FBN2: variants seen among roughly 807,000 people sequenced by gnomAD.
FBN2 encodes fibrillin 2.
In FBN2, 105 loss-of-function variants were observed where a neutral mutation model predicts 355.6. The ratio of observed to expected loss-of-function variants is 0.30; its 90% confidence interval spans 0.25 to 0.35. The LOEUF (loss-of-function observed/expected upper bound fraction) is 0.35, where lower values mean the gene tolerates loss of function less well. FBN2 is among the 10% of genes least tolerant of loss of function. The pLI, the probability that FBN2 is intolerant of heterozygous loss-of-function variation, is 1.00. For missense variants in FBN2, 3,280 were observed against 3,758.7 expected, an observed-to-expected ratio of 0.87 and a Z score of 3.33; for synonymous variants, 1,350 against 1,301.2, an observed-to-expected ratio of 1.04 and a Z score of -0.81.
At chr5:128,349,176 C>T (rs1192533898) in intron 23 of FBN2, among the ~76,000 whole-genome samples, 171 bp downstream of exon 23, 5 of 152,168 alleles carry the variant, frequency 3.3e-5, no homozygotes, top group East Asian at 1.9e-4. Context: ...GAAACAATTT[C>T]GCATAAATAC....
intron 11 of FBN2, among the ~76,000 whole-genome samples, chr5:128,387,130 G>A: frequency 6.6e-6 from 1 of 152,062 alleles, no homozygotes; most frequent in Non-Finnish European, 1.5e-5. Flanking sequence ...CTCATTTTTG[G>A]TCTGTTCAGG....
At chr5:128,281,784 C>T (rs888717384) in intron 55 of FBN2, among the ~76,000 whole-genome samples, 10 of 152,248 alleles carry the variant, frequency 6.6e-5, no homozygotes, top group Middle Eastern at 3.4e-3. Context: ...CTCCTGGGTT[C>T]ACGCCATTCT....
At chr5:128,305,103 T>C (rs370933114) in intron 44 of FBN2, 21 bp from the exon 45 acceptor site, 279 of 1,551,182 alleles carry the variant, frequency 1.8e-4, no homozygotes, top group Non-Finnish European at 2.4e-4. Flanking sequence ...AAAAAATAAA[T>C]GTTACATGTA....
chr5:128,425,857 T>C (rs1223327822), intron 7 of FBN2, among the ~76,000 whole-genome samples: 1 of 152,214 alleles, frequency 6.6e-6, no homozygotes, highest in African/African-American at 2.4e-5. Context: ...TTCAAATTCA[T>C]AGAGTTGAAT....
intron 2 of FBN2, among the ~76,000 whole-genome samples, chr5:128,532,369 C>A (rs1756732073): frequency 6.6e-6 from 1 of 152,216 alleles, no homozygotes; most frequent in Non-Finnish European, 1.5e-5. Context: ...GTTAGGCTCA[C>A]TGACACAATA....
At chr5:128,455,424 C>T (rs1390711598) in intron 6 of FBN2, among the ~76,000 whole-genome samples, 1 of 152,062 alleles carries the variant, frequency 6.6e-6, no homozygotes, top group Admixed American at 6.6e-5. Flanking sequence ...ATTGATATGA[C>T]TGATTTCATA....
chr5:128,378,971 G>T, intron 11 of FBN2, 81 bp from the exon 12 acceptor site: 2 of 1,512,050 alleles, frequency 1.3e-6, no homozygotes, highest in South Asian at 1.1e-5. Context: ...GTCCTCTAAA[G>T]TTTGAGAGAA....
At chr5:128,309,427 C>T in intron 40 of FBN2, 28 bp from the exon 41 acceptor site, 1 of 1,602,850 alleles carries the variant, frequency 6.2e-7, no homozygotes, top group Non-Finnish European at 8.5e-7. Context: ...AAGAAACTAG[C>T]CATTTGTATC....
chr5:128,497,984 G>GCAAAA (rs371834125), intron 5 of FBN2, among the ~76,000 whole-genome samples: 1 of 152,148 alleles, frequency 6.6e-6, no homozygotes, highest in African/African-American at 2.4e-5. Context: ...AAAAGCAAAA[G>GCAAAA]GAAGCCCAAC....
intron 5 of FBN2, among the ~76,000 whole-genome samples, chr5:128,485,844 T>C (rs1448424452): frequency 6.6e-6 from 1 of 152,158 alleles, no homozygotes; most frequent in East Asian, 1.9e-4. Context: ...GGTAGGCACA[T>C]AAAGGACTTC....
intron 36 of FBN2, among the ~76,000 whole-genome samples, chr5:128,314,810 C>T (rs1294644624): frequency 1.3e-5 from 2 of 152,102 alleles, no homozygotes; most frequent in African/African-American, 2.4e-5. Flanking sequence ...TTTAAATGTA[C>T]ACAAATGTCT....
intron 5 of FBN2, among the ~76,000 whole-genome samples, chr5:128,468,206 T>A (rs1027891978): frequency 1.3e-5 from 2 of 152,172 alleles, no homozygotes; most frequent in Admixed American, 6.5e-5. Flanking sequence ...GTGGTCTTTT[T>A]TTGTCTTGCT....
At chr5:128,300,989 T>G (rs1749699506) in intron 47 of FBN2, 53 bp from the exon 48 acceptor site, 3 of 1,533,100 alleles carry the variant, frequency 2.0e-6, no homozygotes, top group Non-Finnish European at 1.8e-6. Flanking sequence ...AATTGTTACA[T>G]AGATTTATCT....
At chr5:128,289,976 A>T in intron 50 of FBN2, 29 bp from the exon 51 acceptor site, 4 of 1,346,736 alleles carry the variant, frequency 3.0e-6, no homozygotes, top group Admixed American at 1.7e-5. Flanking sequence ...ATTCTCCATT[A>T]TTGAAGACTT....
intron 40 of FBN2, 62 bp from the exon 41 acceptor site, chr5:128,309,461 C>A: frequency 7.0e-7 from 1 of 1,427,030 alleles, no homozygotes; most frequent in Non-Finnish European, 9.9e-7. Flanking sequence ...TAATGAAGCC[C>A]ACACAGCTGT....
intron 6 of FBN2, among the ~76,000 whole-genome samples, chr5:128,450,448 G>GA (rs572024451): frequency 1.7e-3 from 257 of 151,712 alleles, no homozygotes; most frequent in Admixed American, 5.6e-3. Flanking sequence ...ACAGGTCAAA[G>GA]AAAAAAAATC....
At chr5:128,353,696 T>G (rs1751427621) in intron 20 of FBN2, among the ~76,000 whole-genome samples, 1 of 152,236 alleles carries the variant, frequency 6.6e-6, no homozygotes, top group Non-Finnish European at 1.5e-5. Context: ...AGGCTTTCTA[T>G]GTATTAATTT....
chr5:128,396,504 T>C (rs1007871823), intron 8 of FBN2, among the ~76,000 whole-genome samples: 1 of 151,852 alleles, frequency 6.6e-6, no homozygotes, highest in African/African-American at 2.4e-5. Flanking sequence ...TGGTAAAGAG[T>C]CTGTGCATTA....
intron 7 of FBN2, 115 bp downstream of exon 7, chr5:128,446,366 A>T: frequency 9.1e-7 from 1 of 1,094,298 alleles, no homozygotes. Flanking sequence ...CTATGCTTTC[A>T]TAGTAGATAA....
Sources: gnomAD v4.1 joint callset for allele counts (sites outside exome capture counted in the v4.1 genomes callset) on GRCh38, gnomAD v4.1.1 for gene constraint, MANE v1.5 for transcripts, NCBI Gene and HGNC (gene_info 2026-07-23, HGNC 2026-07-21) for gene names.